CNTNAP1: variants seen among roughly 807,000 people sequenced by gnomAD.
The protein encoded by CNTNAP1 is contactin associated protein 1.
CNTNAP1 carries 80 observed loss-of-function variants against 161.5 expected under a neutral mutation model. The ratio of observed to expected loss-of-function variants is 0.50; its 90% CI spans 0.41 to 0.60. The LOEUF (loss-of-function observed/expected upper bound fraction) is 0.60. CNTNAP1 is among the 20% of genes least tolerant of loss of function. The pLI, the probability that CNTNAP1 is intolerant of heterozygous loss-of-function variation, is 0.00. For synonymous variants in CNTNAP1, 695 were observed against 733.1 expected, an observed-to-expected ratio of 0.95 and a Z score of 0.84; for missense variants, 1,464 against 1,854.8, an observed-to-expected ratio of 0.79 and a Z score of 3.87.
chr17:42,689,116 G>A, intron 10 of CNTNAP1, 69 bp downstream of exon 10: 1 of 1,447,158 alleles, frequency 6.9e-7, no homozygotes, highest in Non-Finnish European at 9.3e-7. Context: ...AGTAGGAATG[G>A]CCTCTTTCAA....
intron 2 of CNTNAP1, 31 bp from the exon 3 acceptor site, chr17:42,684,005 T>A: frequency 6.2e-7 from 1 of 1,613,526 alleles, no homozygotes; most frequent in South Asian, 1.1e-5. Flanking sequence ...GGGAGAGGGA[T>A]AGCCGGTTAA....
chr17:42,698,445 A>ATGTG lies in CNTNAP1; in HGVS notation c.3863-140_3863-137dup, dbSNP rs71276881. On this transcript the variant is annotated intron_variant, in intron 23 of 23. Coordinates refer to ENST00000264638, the MANE Select transcript of CNTNAP1 (RefSeq NM_003632.3). ...ACATTATGCTTTTGGCCAAAAGTAAATGTGTGTGTGTGTGTGTGTGTGTGT... is the reference window on the plus strand; with the variant it reads ...ACATTATGCTTTTGGCCAAAAGTAAATGTGTGTGTGTGTGTGTGTGTGTGTGTGT... 0.017 allele frequency among the ~76,000 whole-genome samples: 2,305 copies of ATGTG among 139,532 alleles called. 34 individuals carry two copies. The highest frequency in any genetic ancestry group is 0.028 in the African/African-American group (1,070 of 37,784). The allele number at this position is 139,532 out of a possible 152,430, so 91.5% of individuals were successfully genotyped here.
At position 42,691,131 on chromosome 17, in the gene CNTNAP1, C is replaced by G; in HGVS notation, c.2060-6C>G. The G allele has an allele frequency of 6.2e-7, 1 of 1,613,392 alleles. No individual in the cohort carries two copies. Among genetic ancestry groups the G allele is most frequent in the Non-Finnish European group, 8.5e-7 (1 of 1,179,706 alleles). On this transcript the variant is annotated splice_region_variant and splice_polypyrimidine_tract_variant and intron_variant, in intron 13 of 23. Transcript: ENST00000264638. This position sits in a 1 kb window ranked among gnomAD's most constrained non-coding sequence, Gnocchi z 4.3. The stretch of plus-strand genomic sequence containing the variant: ...GGCCTGGAAGCTGCCTGCACCTCTT[C>G]CCCAGGAGGCTACCCCTACAGCTTT...
Position 42,691,603 on chromosome 17 carries a change from G to A in CNTNAP1, c.2344+92G>A. On this transcript the variant is annotated intron_variant, in intron 15 of 23. Transcript: ENST00000264638. The surrounding 1 kb of genome is among the most constrained non-coding windows in gnomAD (Gnocchi z 4.3). ...CATGTCACTGGTGGTCTCTAGCTGG[G>A]GTGCCCGACCCCCAGCTCCTGCTGT... 6.4e-7 allele frequency: 1 copy of A among 1,558,674 alleles called. No individual in the cohort carries two copies. Among genetic ancestry groups the A allele is most frequent in the Non-Finnish European group, 8.7e-7 (1 of 1,148,082 alleles).
intron 1 of CNTNAP1, 23 bp from the exon 2 acceptor site, chr17:42,683,794 GACTA>G (rs778267763): frequency 1.3e-6 from 2 of 1,555,432 alleles, no homozygotes; most frequent in Non-Finnish European, 1.7e-6. Context: ...GGCCAGCGCT[GACTA>G]ACAGTCGGTT....
At chr17:42,690,054 C>G in intron 11 of CNTNAP1, 34 bp from the exon 12 acceptor site, 2 of 1,610,866 alleles carry the variant, frequency 1.2e-6, no homozygotes, top group Non-Finnish European at 1.7e-6. Context: ...CTCTAACTCT[C>G]TAACTGCCTT....
At position 42,685,080 on chromosome 17, in the gene CNTNAP1, G is replaced by C; in HGVS notation, c.453G>C (p.Leu151=). ...CGCGCTACATCCGCATCGTGCCCCT[G>C]GCCTGGAACCCACGCGGCAAGATCG... The part of the protein sequence containing the change: ...FTARYIRIVP[L]AWNPRGKIGL... Residue 151 remains leucine (L), a synonymous_variant, in exon 4 of 24, where the codon CTG becomes CTC. Coordinates refer to ENST00000264638, the MANE Select transcript of CNTNAP1 (RefSeq NM_003632.3). The surrounding 1 kb of genome is among the most constrained non-coding windows in gnomAD (Gnocchi z 5.0). The C allele has an allele frequency of 6.3e-7, 1 of 1,579,468 alleles. No individual in the cohort carries two copies.
intron 6 of CNTNAP1, 42 bp from the exon 7 acceptor site, chr17:42,686,861 C>T: frequency 6.4e-7 from 1 of 1,555,348 alleles, no homozygotes; most frequent in East Asian, 2.3e-5. Context: ...AGGCAGGCGC[C>T]CTCCTGTGCC....
chr17:42,683,357 A>G, intron 1 of CNTNAP1: 1 of 1,076,688 alleles, frequency 9.3e-7, no homozygotes, highest in African/African-American at 1.7e-5. Context: ...GACTGATGCT[A>G]AGGCTGGACA....
chr17:42,686,487 T>TTGTTTGTTTG (rs1567970587), intron 6 of CNTNAP1, among the ~76,000 whole-genome samples: 1 of 146,384 alleles, frequency 6.8e-6, no homozygotes, highest in African/African-American at 2.6e-5. Flanking sequence ...TTTTTTTTTT[T>TTGTTTGTTTG]TTTTTTGTGG....
intron 17 of CNTNAP1, 53 bp from the exon 18 acceptor site, chr17:42,693,244 C>T (rs1029384478): frequency 2.9e-5 from 47 of 1,604,194 alleles, no homozygotes; most frequent in African/African-American, 2.1e-4. Flanking sequence ...CAGGCGTGAG[C>T]CACCGCGCCT....
intron 23 of CNTNAP1, among the ~76,000 whole-genome samples, chr17:42,698,368 G>A (rs1043274229): frequency 6.6e-6 from 1 of 152,056 alleles, no homozygotes. Context: ...ATTCAAACCT[G>A]CCAGACACTT....
intron 10 of CNTNAP1, among the ~76,000 whole-genome samples, 154 bp downstream of exon 10, chr17:42,689,201 A>G (rs542602856): frequency 6.6e-6 from 1 of 151,018 alleles, no homozygotes; most frequent in East Asian, 2.0e-4. Context: ...CTTACCTCCT[A>G]TTTCTTCCCT....
chr17:42,687,390 C>A lies in CNTNAP1; in HGVS notation c.1045-330C>A. 3.9e-6 allele frequency: 2 copies of A among 509,678 alleles called. No individual in the cohort carries two copies. Among genetic ancestry groups the A allele is most frequent in the Non-Finnish European group, 3.5e-6 (1 of 286,250 alleles). The allele number at this position is 509,678 out of a possible 1,614,324, so 31.6% of individuals were successfully genotyped here. ...CTGATATGCCCCCCTCAACCCTCTC[C>A]GACTCTGGAGCTCTGTTGGGAAGCT... On this transcript the variant is annotated intron_variant, in intron 7 of 23. Transcript: ENST00000264638. This position sits in a 1 kb window ranked among gnomAD's most constrained non-coding sequence, Gnocchi z 4.7.
Position 42,691,814 on chromosome 17 carries a change from T to G in CNTNAP1, c.2353T>G (p.Trp785Gly). 1 of 1,614,008 alleles carries G rather than the reference T, an allele frequency of 6.2e-7. No individual in the cohort carries two copies. The highest frequency in any genetic ancestry group is 2.2e-5 in the East Asian group (1 of 44,876). The change falls in exon 16 of 24, where the codon TGG becomes GGG. Residue 785 changes from tryptophan (W) to glycine (G), a missense_variant. Around this residue, in one of 3 missense-constraint regions of CNTNAP1, gnomAD observed 1,383 missense variants for 1,765.0 expected, o/e 0.78. Transcript: ENST00000264638. The surrounding 1 kb of genome is among the most constrained non-coding windows in gnomAD (Gnocchi z 4.3). ...TCCATCTGCTTTTCTAGGAAATTCC[T>G]GGAACACCATTTCCTTCCACACCGG... Reference protein sequence around the residue: ...PLRCYGDRNSWNTISFHTGAA... With the variant: ...PLRCYGDRNSGNTISFHTGAA...
chr17:42,698,480 T>TGTGC (rs2053180352), intron 23 of CNTNAP1, 138 bp from the exon 24 acceptor site: 1 of 628,566 alleles, frequency 1.6e-6, no homozygotes, highest in African/African-American at 1.9e-5. Flanking sequence ...TGTGTGTGTG[T>TGTGC]GCAGGTGAAA....
In CNTNAP1 at chr17:42,685,815, C is replaced by A; in HGVS notation, c.716-142C>A. On this transcript the variant is annotated intron_variant, in intron 5 of 23. Transcript: ENST00000264638. This position sits in a 1 kb window ranked among gnomAD's most constrained non-coding sequence, Gnocchi z 5.0. The stretch of plus-strand genomic sequence containing the variant: ...AGGCTAAATGGCTTACCCTGTCACA[C>A]ACTCGCCAATGGCTGTTGATCTATT... 1 of 835,398 alleles carries A rather than the reference C, an allele frequency of 1.2e-6. No individual in the cohort carries two copies. Among genetic ancestry groups the A allele is most frequent in the Non-Finnish European group, 1.8e-6 (1 of 542,694 alleles). The allele number at this position is 835,398 out of a possible 1,614,324, so 51.7% of individuals were successfully genotyped here.
Position 42,689,268 on chromosome 17 carries a change from T to A in CNTNAP1, c.1628+221T>A, listed in dbSNP as rs147020453. Reference sequence around the variant, plus strand: ...ACATTTGCTTTTGGTCCTAGAGGGGTTTTTTGTGCTAGGGGGATGATAGGG... The same window carrying A: ...ACATTTGCTTTTGGTCCTAGAGGGGATTTTTGTGCTAGGGGGATGATAGGG... On this transcript the variant is annotated intron_variant, in intron 10 of 23. Coordinates refer to ENST00000264638, the MANE Select transcript of CNTNAP1 (RefSeq NM_003632.3). Among the ~76,000 whole-genome samples, 700 of 151,402 alleles carry A rather than the reference T, an allele frequency of 4.6e-3. 8 individuals are homozygous for A. The highest frequency in any genetic ancestry group is 0.016 in the African/African-American group (670 of 41,212).
At position 42,682,584 on chromosome 17, in the gene CNTNAP1, A is replaced by C; in HGVS notation, c.-246A>C. 17 of 517,420 alleles carry C rather than the reference A, an allele frequency of 3.3e-5. No homozygotes were observed. The highest frequency in any genetic ancestry group is 3.8e-5 in the Non-Finnish European group (11 of 290,848). 32.1% of individuals were successfully genotyped at this position (517,420 alleles called of 1,614,324 possible). On this transcript the variant is annotated 5_prime_UTR_variant, in exon 1 of 24. Transcript: ENST00000264638. ...CTGGGGAAGGGGGGAGGTGAGAGGA[A>C]AGAGGGTGGAAAGGAGAGGATAGAG...
Sources: allele counts gnomAD v4.1 joint callset (sites outside exome capture counted in the v4.1 genomes callset), GRCh38; gene constraint gnomAD v4.1.1; regional missense constraint gnomAD v4.1.1; non-coding constraint Gnocchi (gnomAD v3.1); transcripts MANE v1.5; gene names NCBI Gene and HGNC (gene_info 2026-07-23, HGNC 2026-07-21).